Variants in RBFOX1 observed in about 807,000 individuals in gnomAD.
The protein encoded by RBFOX1 is RNA binding protein fox-1 homolog 1.
Under a neutral mutation model 57.7 loss-of-function variants are expected in RBFOX1, and 8 were observed. The observed-to-expected ratio is 0.14, with a 90% CI of 0.08 to 0.25. The LOEUF is 0.25. RBFOX1 is among the 10% of genes least tolerant of loss of function. The pLI is 1.00. For synonymous variants in RBFOX1, 326 were observed against 222.4 expected (o/e 1.47, Z -4.15); for missense variants, 611 against 548.5 (o/e 1.11, Z -1.14).
At chr16:7,139,200 G>T (rs1482379369) in intron 4 of RBFOX1, among the ~76,000 whole-genome samples, 1 of 151,716 alleles carries the variant, frequency 6.6e-6, no homozygotes, top group Non-Finnish European at 1.5e-5. Flanking sequence ...GTGTGTGTAT[G>T]TGTGTGTGTT....
chr16:7,065,280 GT>G (rs2055684539), intron 4 of RBFOX1, among the ~76,000 whole-genome samples: 2 of 152,040 alleles, frequency 1.3e-5, no homozygotes, highest in Admixed American at 1.3e-4. Flanking sequence ...TGCCCGTGTG[GT>G]CCTTTTAGGG....
intron 4 of RBFOX1, among the ~76,000 whole-genome samples, chr16:6,004,215 A>G (rs536963504): frequency 6.6e-6 from 1 of 152,328 alleles, no homozygotes; most frequent in East Asian, 1.9e-4. Context: ...TTTTTAAAGA[A>G]AATAAAAAAG....
At chr16:7,228,741 G>A (rs900850692) in intron 4 of RBFOX1, among the ~76,000 whole-genome samples, 1 of 152,196 alleles carries the variant, frequency 6.6e-6, no homozygotes, top group East Asian at 1.9e-4. Flanking sequence ...AAGGTGAAAT[G>A]TGCAAGAGGT....
intron 3 of RBFOX1, among the ~76,000 whole-genome samples, chr16:6,661,708 C>T (rs1051414079): frequency 6.6e-6 from 1 of 152,190 alleles, no homozygotes; most frequent in Non-Finnish European, 1.5e-5. Context: ...ACGAAGTCAG[C>T]CAGGACCCTG....
intron 3 of RBFOX1, among the ~76,000 whole-genome samples, chr16:6,813,615 A>T (rs192219827): frequency 8.5e-4 from 130 of 152,264 alleles, no homozygotes; most frequent in African/African-American, 3.0e-3. Context: ...GGTGGCTCAA[A>T]ATCAATCTGA....
rs140382846 is a variant in RBFOX1, at chr16:7,611,870, C to T, written c.676+4532C>T. 8.5e-5 allele frequency among the ~76,000 whole-genome samples: 13 copies of T among 152,230 alleles called. No homozygotes were observed. In the East Asian group the frequency reaches 1.9e-3, roughly 23 times the overall value. ...ATCTTTCTAAATGCTTATTCCGTGCCAGTCTTCAGAGCAGATACACATACA... is the reference window on the plus strand; with the variant it reads ...ATCTTTCTAAATGCTTATTCCGTGCTAGTCTTCAGAGCAGATACACATACA... On this transcript the variant is annotated intron_variant, in intron 10 of 15. Coordinates refer to ENST00000550418, the MANE Select transcript of RBFOX1 (RefSeq NM_018723.4).
chr16:6,986,255 C>A (rs538354281), intron 3 of RBFOX1, among the ~76,000 whole-genome samples: 1 of 151,210 alleles, frequency 6.6e-6, no homozygotes, highest in South Asian at 2.1e-4. Flanking sequence ...GGCTGGAGTG[C>A]AATGGCATGA....
chr16:5,813,127 C>T (rs992031253), intron 3 of RBFOX1, among the ~76,000 whole-genome samples: 2 of 151,912 alleles, frequency 1.3e-5, no homozygotes, highest in Admixed American at 6.6e-5. Context: ...CCTGCCTCAG[C>T]CTCCCGAGTA....
intron 3 of RBFOX1, among the ~76,000 whole-genome samples, chr16:6,656,737 T>C (rs913628990): frequency 2.0e-5 from 3 of 152,150 alleles, no homozygotes; most frequent in Non-Finnish European, 2.9e-5. Flanking sequence ...ATATGACTGA[T>C]AGATAAATTT....
chr16:7,378,908 C>G (rs1384382603), intron 4 of RBFOX1, among the ~76,000 whole-genome samples: 4 of 152,180 alleles, frequency 2.6e-5, no homozygotes, highest in Admixed American at 2.6e-4. Flanking sequence ...TAGATTATCA[C>G]TGTTTCACCA....
intron 2 of RBFOX1, among the ~76,000 whole-genome samples, chr16:5,561,770 T>C (rs551164006): frequency 6.6e-6 from 1 of 152,300 alleles, no homozygotes; most frequent in East Asian, 1.9e-4. Context: ...AGAGGGTCAC[T>C]TGTTCTACCC....
intron 12 of RBFOX1, among the ~76,000 whole-genome samples, chr16:7,663,133 T>A (rs1317047448): frequency 6.6e-6 from 1 of 152,248 alleles, no homozygotes; most frequent in East Asian, 1.9e-4. Flanking sequence ...AAATATCTGT[T>A]GCTCCCTCTC....
intron 1 of RBFOX1, among the ~76,000 whole-genome samples, chr16:5,448,348 C>T (rs907336029): frequency 6.6e-6 from 1 of 151,924 alleles, no homozygotes; most frequent in Non-Finnish European, 1.5e-5. Context: ...CGTCTGTGTT[C>T]CAGAGGCAAA....
At chr16:7,197,763 T>C (rs948669644) in intron 4 of RBFOX1, among the ~76,000 whole-genome samples, 115 of 152,278 alleles carry the variant, frequency 7.6e-4, no homozygotes, top group African/African-American at 2.4e-3. Context: ...AGTGGAGTAC[T>C]GATACATGCT....
intron 4 of RBFOX1, among the ~76,000 whole-genome samples, chr16:7,434,628 T>C (rs1406902270): frequency 6.6e-6 from 1 of 152,134 alleles, no homozygotes; most frequent in East Asian, 1.9e-4. Flanking sequence ...AAGTTTAGAA[T>C]TCTAAATAAA....
In RBFOX1 at chr16:6,317,088, C is replaced by T. The variant is rs931912375; in HGVS notation, c.-64+31C>T. ...TGCAACCCATTTTGAACATTCATTC[C>T]ATAAATACATCCATGTCTTTGATCC... is the stretch of plus-strand genomic sequence containing the variant. On this transcript the variant is annotated intron_variant, in intron 2 of 15. Coordinates refer to ENST00000550418, the MANE Select transcript of RBFOX1 (RefSeq NM_018723.4). 6 of 1,502,096 alleles carry T rather than the reference C, an allele frequency of 4.0e-6. No individual in the cohort carries two copies. In the African/African-American group the frequency reaches 8.3e-5, roughly 21 times the overall value. 93.0% of individuals were successfully genotyped at this position (1,502,096 alleles called of 1,614,324 possible).
chr16:6,486,760 T>C (rs117162470), intron 2 of RBFOX1, among the ~76,000 whole-genome samples: 3,994 of 152,288 alleles, frequency 0.026, 71 homozygotes, highest in Middle Eastern at 0.058. Flanking sequence ...GGTATGCGTT[T>C]TTGCTCTTTT....
intron 3 of RBFOX1, among the ~76,000 whole-genome samples, chr16:6,946,684 T>A (rs2153514849): frequency 6.6e-6 from 1 of 152,158 alleles, no homozygotes; most frequent in Non-Finnish European, 1.5e-5. Context: ...TTCACTGCAA[T>A]CTCAAACTCC....
intron 3 of RBFOX1, among the ~76,000 whole-genome samples, chr16:7,000,944 A>G (rs1030919200): frequency 3.3e-5 from 5 of 152,302 alleles, no homozygotes; most frequent in South Asian, 2.1e-4. Flanking sequence ...TAGGAACCAC[A>G]TAATGCTTTT....
Sources: allele counts gnomAD v4.1 joint callset (sites outside exome capture counted in the v4.1 genomes callset), GRCh38; gene constraint gnomAD v4.1.1; transcripts MANE v1.5; gene names NCBI Gene and HGNC (gene_info 2026-07-23, HGNC 2026-07-21).